Variants in WLS observed in about 807,000 individuals in gnomAD.
WLS encodes the protein protein wntless homolog.
WLS carries 23 observed loss-of-function variants against 62.8 expected under a neutral mutation model. That is an observed-to-expected ratio of 0.37 (90% CI 0.26 to 0.52). The LOEUF (loss-of-function observed/expected upper bound fraction) is 0.52, where lower values mean the gene tolerates loss of function less well. WLS is among the 20% of genes least tolerant of loss of function. The pLI is 0.92. For synonymous variants in WLS, 246 were observed against 244.1 expected, an observed-to-expected ratio of 1.01 and a Z score of -0.07; for missense variants, 615 against 697.3, an observed-to-expected ratio of 0.88 and a Z score of 1.33.
At chr1:68,129,677 G>A (rs536064698) in intron 11 of WLS, among the ~76,000 whole-genome samples, 7 of 152,246 alleles carry the variant, frequency 4.6e-5, no homozygotes, top group African/African-American at 1.4e-4. Flanking sequence ...AACATAGCAC[G>A]AGTGGAGATC....
intron 11 of WLS, among the ~76,000 whole-genome samples, chr1:68,129,271 GTC>G (rs1646482482): frequency 6.6e-6 from 1 of 152,204 alleles, no homozygotes; most frequent in African/African-American, 2.4e-5. Flanking sequence ...GTTGCATTAA[GTC>G]AAGATCGTGC....
chr1:68,136,810 C>A (rs1646617489), intron 11 of WLS, among the ~76,000 whole-genome samples: 1 of 152,184 alleles, frequency 6.6e-6, no homozygotes, highest in Non-Finnish European at 1.5e-5. Context: ...TCCACTCATG[C>A]AACACACACT....
At chr1:68,119,057 T>C (rs1646332869) in intron 11 of WLS, among the ~76,000 whole-genome samples, 1 of 152,074 alleles carries the variant, frequency 6.6e-6, no homozygotes, top group South Asian at 2.1e-4. Context: ...TATATTGTAA[T>C]AGTCAAACTT....
intron 5 of WLS, among the ~76,000 whole-genome samples, chr1:68,153,282 AAATT>A (rs1187103616): frequency 6.6e-6 from 1 of 152,160 alleles, no homozygotes; most frequent in Non-Finnish European, 1.5e-5. Flanking sequence ...TCCAAAAAAT[AAATT>A]AATTAATTAA....
intron 11 of WLS, among the ~76,000 whole-genome samples, chr1:68,109,404 A>G (rs539284137): frequency 1.3e-5 from 2 of 152,366 alleles, no homozygotes; most frequent in African/African-American, 4.8e-5. Context: ...GCAAACCACT[A>G]TAAGCAAGAG....
chr1:68,125,225 C>G, downstream of WLS: 1 of 819,312 alleles, frequency 1.2e-6, no homozygotes, highest in Non-Finnish European at 1.5e-6. Context: ...AAATGTCACT[C>G]TTTCTCCAGG....
intron 2 of WLS, among the ~76,000 whole-genome samples, chr1:68,177,122 G>A (rs1170540355): frequency 6.6e-6 from 1 of 152,094 alleles, no homozygotes; most frequent in Admixed American, 6.6e-5. Context: ...CATGCCTGTG[G>A]GCACATTCTC....
chr1:68,126,890 G>GAATAATTTACAAAATA, intron 11 of WLS, among the ~76,000 whole-genome samples: 1 of 152,124 alleles, frequency 6.6e-6, no homozygotes, highest in South Asian at 2.1e-4. Flanking sequence ...CATTTGCTAT[G>GAATAATTTACAAAATA]AATAATTTAC....
In WLS at chr1:68,193,109, C is replaced by CA. The variant is rs1017978952; in HGVS notation, c.379+845dup. Among the ~76,000 whole-genome samples, 85 of 138,664 alleles carry CA rather than the reference C, an allele frequency of 6.1e-4. 2 individuals carry two copies. The South Asian group carries it at 0.01, about 17-fold the overall frequency. The allele number at this position is 138,664 out of a possible 152,430, so 91.0% of individuals were successfully genotyped here. The stretch of plus-strand genomic sequence containing the variant: ...GGGCAACAAGAGCGAAACTCTGTTT[C>CA]AAAAAAAAAAGAAAAGAAAAGAAAA... On this transcript the variant is annotated intron_variant, in intron 2 of 11. Coordinates refer to ENST00000262348, the MANE Select transcript of WLS (RefSeq NM_024911.7).
chr1:68,107,045 G>C (rs1379582365), intron 11 of WLS, among the ~76,000 whole-genome samples: 1 of 152,102 alleles, frequency 6.6e-6, no homozygotes, highest in Non-Finnish European at 1.5e-5. Flanking sequence ...TAAAGAAAAT[G>C]ATCAAAATAA....
intron 1 of WLS, among the ~76,000 whole-genome samples, chr1:68,200,485 C>A (rs987693039): frequency 7.2e-5 from 1 of 13,952 alleles, no homozygotes; most frequent in African/African-American, 3.0e-4. Flanking sequence ...AATGTTGGGG[C>A]GGGGGTGGGC....
chr1:68,112,475 G>A (rs1646240579), intron 11 of WLS, among the ~76,000 whole-genome samples: 2 of 152,124 alleles, frequency 1.3e-5, no homozygotes. Context: ...TGTACACTCC[G>A]GTTCCAAGTT....
intron 2 of WLS, among the ~76,000 whole-genome samples, chr1:68,192,073 C>A (rs1648342658): frequency 6.6e-6 from 1 of 152,138 alleles, no homozygotes; most frequent in African/African-American, 2.4e-5. Context: ...GCCGTAAGTT[C>A]CTTAAAGGAC....
intron 11 of WLS, among the ~76,000 whole-genome samples, chr1:68,106,746 G>GTA (rs966633418): frequency 6.9e-6 from 1 of 145,828 alleles, no homozygotes; most frequent in African/African-American, 2.8e-5. Flanking sequence ...GTGTGTGTGT[G>GTA]TGTGTATGTG....
At chr1:68,130,889 C>CTTTTT (rs56038722) in intron 11 of WLS, among the ~76,000 whole-genome samples, 52 of 100,806 alleles carry the variant, frequency 5.2e-4, no homozygotes, top group African/African-American at 8.1e-4. Context: ...GTTTCTTCTT[C>CTTTTT]TTTTTTTTTT....
intron 11 of WLS, among the ~76,000 whole-genome samples, chr1:68,112,431 G>A (rs1646239675): frequency 6.6e-6 from 1 of 152,174 alleles, no homozygotes; most frequent in Non-Finnish European, 1.5e-5. Context: ...ATGGGCCCAG[G>A]TGTCCAGCCT....
At chr1:68,111,888 C>T (rs376260159) in intron 11 of WLS, among the ~76,000 whole-genome samples, 5 of 152,188 alleles carry the variant, frequency 3.3e-5, no homozygotes, top group African/African-American at 1.2e-4. Flanking sequence ...TATTACCAAC[C>T]ATTTGCTCCC....
At position 68,150,258 on chromosome 1, in the gene WLS, T is replaced by G. The variant is rs758230603; in HGVS notation, c.902A>C (p.Asp301Ala). 6.2e-7 allele frequency: 1 copy of G among 1,614,066 alleles called. No individual in the cohort carries two copies. Among genetic ancestry groups the G allele is most frequent in the African/African-American group, 1.3e-5 (1 of 74,898 alleles). ...CGCATAGAAGATGCCCTGTCGGATGTCACCAAACAGCAGCATCCAGGTCCA... is the reference window on the plus strand; with the variant it reads ...CGCATAGAAGATGCCCTGTCGGATGGCACCAAACAGCAGCATCCAGGTCCA... ...FDWTWMLLFG[D>A]IRQGIFYAML... Residue 301 changes from aspartate (D) to alanine (A), a missense_variant, in exon 6 of 12, where the codon GAC becomes GCC. Physicochemically the swap from Asp to Ala is moderately radical, Grantham distance 126 (BLOSUM62 -2). Coordinates refer to ENST00000262348, the MANE Select transcript of WLS (RefSeq NM_024911.7).
chr1:68,222,141 G>C (rs141869597), intron 1 of WLS, among the ~76,000 whole-genome samples: 30 of 152,296 alleles, frequency 2.0e-4, no homozygotes, highest in African/African-American at 7.2e-4. Flanking sequence ...GGAAGCCTCA[G>C]ACTGATAAAG....
Sources: allele counts gnomAD v4.1 joint callset (sites outside exome capture counted in the v4.1 genomes callset), GRCh38; gene constraint gnomAD v4.1.1; transcripts MANE v1.5; gene names NCBI Gene and HGNC (gene_info 2026-07-23, HGNC 2026-07-21).